MBOAT2: variants seen among roughly 807,000 people sequenced by gnomAD.
The protein encoded by MBOAT2 is membrane-bound glycerophospholipid O-acyltransferase 2.
Under a neutral mutation model 63.4 loss-of-function variants are expected in MBOAT2, and 28 were observed. The ratio of observed to expected loss-of-function variants is 0.44; its 90% CI spans 0.33 to 0.61. The LOEUF (loss-of-function observed/expected upper bound fraction) is 0.61. MBOAT2 is among the 20% of genes least tolerant of loss of function. The pLI, the probability that MBOAT2 is intolerant of heterozygous loss-of-function variation, is 0.03. For synonymous variants in MBOAT2, 211 were observed against 215.6 expected, an observed-to-expected ratio of 0.98 and a Z score of 0.19; for missense variants, 470 against 605.8, an observed-to-expected ratio of 0.78 and a Z score of 2.35.
chr2:8,951,207 CT>C (rs538984583), intron 2 of MBOAT2, among the ~76,000 whole-genome samples: 24,111 of 138,400 alleles, frequency 0.17, 3,453 homozygotes, highest in African/African-American at 0.43. Flanking sequence ...CTGGTACCAG[CT>C]TTTTTTTTTT....
rs758151598 is a variant in MBOAT2 at position 8,868,492 on chromosome 2, G to A, written c.941C>T (p.Ala314Val). ...FGFRGYDENG[A>V]ARWDLISNLR... ...ATTGGAAATTAAGTCCCAGCGAGCT[G>A]CTCCATTTTCGTCATACCCTCTGAA... Residue 314 changes from alanine (A) to valine (V), a missense_variant, in exon 9 of 13, where the codon GCA (alanine) becomes GTA (valine). Around this residue, in one of 3 missense-constraint regions of MBOAT2, gnomAD observed 376 missense variants for 503.8 expected, o/e 0.75. Transcript: ENST00000305997. The A allele has an allele frequency of 1.9e-6, 3 of 1,614,016 alleles. No individual in the cohort carries two copies. In the Admixed American group the frequency reaches 5.0e-5, roughly 27 times the overall value.
At chr2:9,002,462 C>G (rs981447934) in intron 1 of MBOAT2, among the ~76,000 whole-genome samples, 4 of 152,230 alleles carry the variant, frequency 2.6e-5, no homozygotes, top group African/African-American at 9.6e-5. Context: ...TAAATGACAG[C>G]AGCACCTTCA....
intron 4 of MBOAT2, among the ~76,000 whole-genome samples, chr2:8,906,124 A>T (rs562500757): frequency 1.7e-4 from 26 of 151,988 alleles, no homozygotes; most frequent in Non-Finnish European, 3.4e-4. Context: ...ATGCCTATTT[A>T]ATTTTTTGTA....
rs182984481 is a variant in MBOAT2 at position 8,955,310 on chromosome 2, C to T, written c.221+3187G>A. 6.6e-5 allele frequency among the ~76,000 whole-genome samples: 10 copies of T among 152,334 alleles called. No individual in the cohort carries two copies. In the East Asian group the frequency reaches 1.9e-3, roughly 29 times the overall value. On this transcript the variant is annotated intron_variant, in intron 2 of 12. Transcript: ENST00000305997. ...GTCTCCAACCCTCTCCCCAAGTTGGCTCCAGGGCTTGGGAGAAATAAAGTG... is the reference window on the plus strand; with the variant it reads ...GTCTCCAACCCTCTCCCCAAGTTGGTTCCAGGGCTTGGGAGAAATAAAGTG...
intron 3 of MBOAT2, among the ~76,000 whole-genome samples, chr2:8,940,687 T>C (rs1479930228): frequency 6.6e-6 from 1 of 150,748 alleles, no homozygotes; most frequent in East Asian, 1.9e-4. Flanking sequence ...TGTATACATG[T>C]GTGTGTGTGT....
At chr2:8,879,657 G>A (rs923254709) in intron 6 of MBOAT2, among the ~76,000 whole-genome samples, 19 of 152,152 alleles carry the variant, frequency 1.2e-4, no homozygotes, top group Admixed American at 8.5e-4. Flanking sequence ...ACCCCTAGGC[G>A]CTACCCACCG....
chr2:8,931,299 A>G (rs1667303408), intron 3 of MBOAT2, among the ~76,000 whole-genome samples: 1 of 152,024 alleles, frequency 6.6e-6, no homozygotes, highest in South Asian at 2.1e-4. Flanking sequence ...GCTTTTTTTA[A>G]TATGTTTGTT....
At chr2:8,982,468 C>CT (rs1391484082) in intron 1 of MBOAT2, among the ~76,000 whole-genome samples, 3 of 152,134 alleles carry the variant, frequency 2.0e-5, no homozygotes, top group Non-Finnish European at 4.4e-5. Flanking sequence ...GTCAGAGTAA[C>CT]TTCTTCTTAG....
chr2:8,883,522 T>C (rs938951863), intron 5 of MBOAT2, among the ~76,000 whole-genome samples: 19 of 152,158 alleles, frequency 1.2e-4, no homozygotes, highest in African/African-American at 4.1e-4. Context: ...AAGAAAATAA[T>C]TACTGTCTTA....
At chr2:8,990,331 A>T (rs1254592071) in intron 1 of MBOAT2, among the ~76,000 whole-genome samples, 1 of 152,230 alleles carries the variant, frequency 6.6e-6, no homozygotes, top group Non-Finnish European at 1.5e-5. Context: ...TAGGAAAAGT[A>T]GTTTAATATT....
intron 1 of MBOAT2, among the ~76,000 whole-genome samples, chr2:8,961,032 C>A (rs1669569978): frequency 6.6e-6 from 1 of 152,154 alleles, no homozygotes; most frequent in Non-Finnish European, 1.5e-5. Context: ...GGCGTTTGAG[C>A]CCATAGTGAT....
intron 1 of MBOAT2, among the ~76,000 whole-genome samples, chr2:8,991,092 G>A (rs1257814280): frequency 6.6e-6 from 1 of 152,102 alleles, no homozygotes; most frequent in East Asian, 1.9e-4. Context: ...GAAAAGGCAT[G>A]CTGACACTCA....
chr2:8,912,234 T>C (rs1000276025), intron 3 of MBOAT2, among the ~76,000 whole-genome samples: 2 of 147,910 alleles, frequency 1.4e-5, no homozygotes, highest in Non-Finnish European at 3.0e-5. Flanking sequence ...CTGGAAGTCC[T>C]AGCCAAATCA....
chr2:8,882,506 C>T lies in MBOAT2; in HGVS notation c.506+5G>A, dbSNP rs753974298. On this transcript the variant is annotated splice_donor_5th_base_variant and intron_variant, in intron 6 of 12. Transcript: ENST00000305997. ...CATGGCAGAATAGGATGCAAAGGCA[C>T]GTACCTTACAGCTAAATCCCTCTGT... The T allele has an allele frequency of 1.9e-6, 3 of 1,614,144 alleles. No individual in the cohort carries two copies. The highest frequency in any genetic ancestry group is 1.1e-5 in the South Asian group (1 of 91,080).
intron 1 of MBOAT2, among the ~76,000 whole-genome samples, chr2:8,986,321 A>G (rs896490571): frequency 3.3e-5 from 5 of 152,018 alleles, no homozygotes; most frequent in Non-Finnish European, 5.9e-5. Context: ...CATATCTATA[A>G]TCCCAGCACT....
At chr2:8,959,360 TA>T (rs1202034388) in intron 1 of MBOAT2, among the ~76,000 whole-genome samples, 2 of 152,218 alleles carry the variant, frequency 1.3e-5, no homozygotes, top group Non-Finnish European at 2.9e-5. Context: ...TACACTCTGG[TA>T]AGACTGCTGC....
At chr2:8,961,530 T>G (rs1669599695) in intron 1 of MBOAT2, among the ~76,000 whole-genome samples, 2 of 151,994 alleles carry the variant, frequency 1.3e-5, no homozygotes, top group Admixed American at 1.3e-4. Flanking sequence ...AGGGGACTGT[T>G]ACACAAATAG....
At chr2:8,953,571 C>T (rs1177454721) in intron 2 of MBOAT2, among the ~76,000 whole-genome samples, 1 of 152,180 alleles carries the variant, frequency 6.6e-6, no homozygotes, top group Non-Finnish European at 1.5e-5. Flanking sequence ...CTCAGGAATG[C>T]TAATAATTTG....
intron 4 of MBOAT2, among the ~76,000 whole-genome samples, chr2:8,889,377 C>T (rs1043382321): frequency 1.3e-5 from 2 of 152,180 alleles, no homozygotes; most frequent in Non-Finnish European, 2.9e-5. Flanking sequence ...CCTCAACTAA[C>T]GGGAAGGTCT....
Sources: gnomAD v4.1 joint callset for allele counts (sites outside exome capture counted in the v4.1 genomes callset) on GRCh38, gnomAD v4.1.1 for gene constraint, gnomAD v4.1.1 regional missense constraint, MANE v1.5 for transcripts, NCBI Gene and HGNC (gene_info 2026-07-23, HGNC 2026-07-21) for gene names.